Variants in TOR1AIP1 observed in about 807,000 individuals in gnomAD.
TOR1AIP1 encodes torsin-1A-interacting protein 1.
TOR1AIP1 carries 54 observed loss-of-function variants against 63.3 expected under a neutral mutation model. The ratio of observed to expected loss-of-function variants is 0.85; its 90% CI spans 0.69 to 1.07. The LOEUF (loss-of-function observed/expected upper bound fraction) is 1.07. Among genes scored for constraint, TOR1AIP1 ranks in the 50% least tolerant of loss-of-function variants. The pLI is 0.00. For missense variants in TOR1AIP1, 736 were observed against 715.0 expected (o/e 1.03, Z -0.33); for synonymous variants, 294 against 273.5 (o/e 1.07, Z -0.74).
chr1:179,884,184 A>C (rs558545681), intron 1 of TOR1AIP1, among the ~76,000 whole-genome samples: 1 of 152,202 alleles, frequency 6.6e-6, no homozygotes, highest in Non-Finnish European at 1.5e-5. Context: ...AGCCTATAAT[A>C]TATTTGATAG....
chr1:179,884,434 T>C (rs531932754), intron 1 of TOR1AIP1, among the ~76,000 whole-genome samples: 2 of 152,320 alleles, frequency 1.3e-5, no homozygotes, highest in Non-Finnish European at 2.9e-5. Flanking sequence ...CCCCATCTTT[T>C]TGATTTTCTG....
At chr1:179,896,585 C>T (rs537523869) in intron 3 of TOR1AIP1, among the ~76,000 whole-genome samples, 5 of 150,720 alleles carry the variant, frequency 3.3e-5, no homozygotes, top group Non-Finnish European at 7.4e-5. Context: ...CATATGTCTG[C>T]GGGATCCTAG....
chr1:179,906,830 C>T (rs1258632731), intron 6 of TOR1AIP1, among the ~76,000 whole-genome samples: 1 of 149,466 alleles, frequency 6.7e-6, no homozygotes, highest in Admixed American at 6.7e-5. Flanking sequence ...CTCCGCCTCC[C>T]AGGTTCACGC....
intron 8 of TOR1AIP1, chr1:179,913,574 C>G: frequency 1.4e-6 from 1 of 702,282 alleles, no homozygotes. Flanking sequence ...CTTATTTTCC[C>G]CCTCTTTACA....
intron 3 of TOR1AIP1, among the ~76,000 whole-genome samples, chr1:179,890,714 G>A (rs1334371917): frequency 6.6e-6 from 1 of 152,014 alleles, no homozygotes; most frequent in Non-Finnish European, 1.5e-5. Context: ...CTACTCTGGA[G>A]GCTCAACTGA....
chr1:179,916,393 T>C (rs1292891815), intron 9 of TOR1AIP1, among the ~76,000 whole-genome samples: 2 of 152,188 alleles, frequency 1.3e-5, no homozygotes, highest in African/African-American at 2.4e-5. Flanking sequence ...TGAGAATTGC[T>C]GCTCTAAAAG....
At chr1:179,914,907 T>C (rs904492166) in intron 9 of TOR1AIP1, among the ~76,000 whole-genome samples, 7 of 152,216 alleles carry the variant, frequency 4.6e-5, no homozygotes, top group South Asian at 2.1e-4. Flanking sequence ...GTTGAAAATA[T>C]GGGTTATGTC....
chr1:179,892,787 A>T (rs1441439911), intron 3 of TOR1AIP1, among the ~76,000 whole-genome samples: 3 of 151,964 alleles, frequency 2.0e-5, no homozygotes, highest in African/African-American at 7.2e-5. Flanking sequence ...AACTGAAATA[A>T]CCTAACACTC....
In TOR1AIP1 at chr1:179,918,374, AACATATAAATCATTC is replaced by A; in HGVS notation, c.*137_*151del. ...AAGTTAAGTGCTTACATAAACATGG[AACATATAAATCATTC>A]ATTCAACCTAATTATCTGTGATATG... On this transcript the variant is annotated 3_prime_UTR_variant, in exon 10 of 10. Coordinates refer to ENST00000606911, the MANE Select transcript of TOR1AIP1 (RefSeq NM_015602.4). 1.3e-6 allele frequency: 1 copy of A among 780,528 alleles called. No individual in the cohort carries two copies. The highest frequency in any genetic ancestry group is 2.0e-6 in the Non-Finnish European group (1 of 504,136). The allele number at this position is 780,528 out of a possible 1,614,324, so 48.4% of individuals were successfully genotyped here.
intron 8 of TOR1AIP1, among the ~76,000 whole-genome samples, chr1:179,911,086 C>T (rs1648819104): frequency 6.6e-6 from 1 of 152,180 alleles, no homozygotes; most frequent in Admixed American, 6.5e-5. Context: ...TAGATAACCA[C>T]ATTGAGCTTT....
intron 2 of TOR1AIP1, among the ~76,000 whole-genome samples, chr1:179,887,027 G>A (rs977589294): frequency 6.6e-6 from 1 of 152,208 alleles, no homozygotes; most frequent in Non-Finnish European, 1.5e-5. Context: ...GTTTAACTTT[G>A]ATATTCAAAA....
In TOR1AIP1 at chr1:179,918,407, G is replaced by C. The variant is rs982747270; in HGVS notation, c.*168G>C. The C allele has an allele frequency of 1.4e-5, 9 of 650,212 alleles. No homozygotes were observed. In the African/African-American group the frequency reaches 1.6e-4, roughly 12 times the overall value. 40.3% of individuals were successfully genotyped at this position (650,212 alleles called of 1,614,324 possible). On this transcript the variant is annotated 3_prime_UTR_variant, in exon 10 of 10. Coordinates refer to ENST00000606911, the MANE Select transcript of TOR1AIP1 (RefSeq NM_015602.4). Reference sequence around the variant, plus strand: ...AATCATTCATTCAACCTAATTATCTGTGATATGAGAGAATCATTTCAGTTT... The same window carrying C: ...AATCATTCATTCAACCTAATTATCTCTGATATGAGAGAATCATTTCAGTTT...
rs1649066648 is a variant in TOR1AIP1 at position 179,917,796 on chromosome 1, C to T, written c.1309C>T (p.Arg437Cys). ...EQIADAYSSF[R>C]SVRAIRIDGT... ...AATTGCTGATGCCTATTCTTCTTTTCGTAGTGTCCGTGCCATCCGGATTGA... is the reference window on the plus strand; with the variant it reads ...AATTGCTGATGCCTATTCTTCTTTTTGTAGTGTCCGTGCCATCCGGATTGA... The change falls in exon 10 of 10, where the codon CGT becomes TGT. Residue 437 changes from arginine (R) to cysteine (C), a missense_variant. Arg to Cys is a radical substitution (Grantham distance 180, BLOSUM62 -3). Around this residue, in one of 2 missense-constraint regions of TOR1AIP1, gnomAD observed 272 missense variants for 344.1 expected, o/e 0.79. Coordinates refer to ENST00000606911, the MANE Select transcript of TOR1AIP1 (RefSeq NM_015602.4). 1 of 1,614,128 alleles carries T rather than the reference C, an allele frequency of 6.2e-7. No homozygotes were observed. The highest frequency in any genetic ancestry group is 1.3e-5 in the African/African-American group (1 of 75,016).
intron 8 of TOR1AIP1, chr1:179,913,573 C>T (rs1648902513): frequency 1.4e-6 from 1 of 702,084 alleles, no homozygotes; most frequent in African/African-American, 1.7e-5. Flanking sequence ...CCTTATTTTC[C>T]CCCTCTTTAC....
At position 179,919,234 on chromosome 1, in the gene TOR1AIP1, C is replaced by T. The variant is rs917177214; in HGVS notation, c.*995C>T. On this transcript the variant is annotated 3_prime_UTR_variant, in exon 10 of 10. Transcript: ENST00000606911. ...AGCCGAGACCATGCTTATTGCCCTC[C>T]AGTCTGGGCAACAAAAATGAAACTC... The T allele has an allele frequency of 6.6e-6, 1 of 151,490 alleles. No homozygotes were observed. The highest frequency in any genetic ancestry group is 2.4e-5 in the African/African-American group (1 of 41,206). 9.4% of individuals were successfully genotyped at this position (151,490 alleles called of 1,614,324 possible).
intron 3 of TOR1AIP1, among the ~76,000 whole-genome samples, chr1:179,890,233 T>C (rs1055592986): frequency 6.6e-6 from 1 of 152,226 alleles, no homozygotes; most frequent in African/African-American, 2.4e-5. Context: ...ATTTCATGAC[T>C]ATGAAGAAAA....
Position 179,882,378 on chromosome 1 carries a change from G to C in TOR1AIP1, c.-125G>C, listed in dbSNP as rs555682861. Reference sequence around the variant, plus strand: ...ACGCAGGCGGCGGCCCCAGCGACTCGCAACTGCCTCCCTGACCACAGCGGC... The same window carrying C: ...ACGCAGGCGGCGGCCCCAGCGACTCCCAACTGCCTCCCTGACCACAGCGGC... On this transcript the variant is annotated 5_prime_UTR_variant, in exon 1 of 10. Coordinates refer to ENST00000606911, the MANE Select transcript of TOR1AIP1 (RefSeq NM_015602.4). 2.2e-5 allele frequency: 22 copies of C among 1,021,938 alleles called. No homozygotes were observed. The African/African-American group carries it at 3.7e-4, about 17-fold the overall frequency. The allele number at this position is 1,021,938 out of a possible 1,614,324, so 63.3% of individuals were successfully genotyped here.
intron 2 of TOR1AIP1, among the ~76,000 whole-genome samples, chr1:179,885,850 C>T (rs1174188163): frequency 6.6e-6 from 1 of 152,142 alleles, no homozygotes; most frequent in East Asian, 1.9e-4. Context: ...AAACAATTCT[C>T]CTGCCATAGC....
intron 5 of TOR1AIP1, 55 bp downstream of exon 5, chr1:179,901,443 C>T (rs1648463128): frequency 1.8e-6 from 2 of 1,124,702 alleles, no homozygotes; most frequent in South Asian, 2.2e-5. Context: ...TTTGGTATTC[C>T]ATGAATTTGC....
Sources: allele counts gnomAD v4.1 joint callset (sites outside exome capture counted in the v4.1 genomes callset), GRCh38; gene constraint gnomAD v4.1.1; regional missense constraint gnomAD v4.1.1; transcripts MANE v1.5; gene names NCBI Gene and HGNC (gene_info 2026-07-23, HGNC 2026-07-21).